The following BNC2 variants were observed in gnomAD, a reference collection of about 807,000 sequenced individuals.
The protein encoded by BNC2 is basonuclin zinc finger protein 2, also known as zinc finger protein basonuclin-2.
Under a neutral mutation model 76.3 loss-of-function variants are expected in BNC2, and 20 were observed. That is an observed-to-expected ratio of 0.26 (90% CI 0.18 to 0.38). The LOEUF (loss-of-function observed/expected upper bound fraction) is 0.38, where lower values mean the gene tolerates loss of function less well. BNC2 is among the 10% of genes least tolerant of loss of function. BNC2 has a pLI of 1.00. For missense variants in BNC2, 1,382 were observed against 1,399.8 expected (o/e 0.99, Z 0.20); for synonymous variants, 582 against 514.8 (o/e 1.13, Z -1.77).
chr9:16,551,480 G>A (rs527976780), intron 5 of BNC2, among the ~76,000 whole-genome samples: 1 of 152,334 alleles, frequency 6.6e-6, no homozygotes, highest in African/African-American at 2.4e-5. Flanking sequence ...GTAGCTCAGG[G>A]AATAAACAGT....
At chr9:16,636,177 G>A (rs1028828939) in intron 3 of BNC2, among the ~76,000 whole-genome samples, 13 of 152,152 alleles carry the variant, frequency 8.5e-5, no homozygotes, top group East Asian at 5.8e-4. Flanking sequence ...AATTACATTC[G>A]CATGTTGGTC....
intron 1 of BNC2, among the ~76,000 whole-genome samples, chr9:16,859,495 G>C (rs1218847891): frequency 1.3e-5 from 2 of 152,204 alleles, no homozygotes; most frequent in Non-Finnish European, 2.9e-5. Context: ...ATATACATAT[G>C]ATGAAATATT....
intron 3 of BNC2, among the ~76,000 whole-genome samples, chr9:16,659,958 T>A (rs993937613): frequency 1.3e-5 from 2 of 152,264 alleles, no homozygotes; most frequent in African/African-American, 4.8e-5. Flanking sequence ...ACCAAATAGA[T>A]GCCTGAAACA....
chr9:16,654,316 C>T (rs79440743), intron 3 of BNC2, among the ~76,000 whole-genome samples: 1 of 152,152 alleles, frequency 6.6e-6, no homozygotes, highest in African/African-American at 2.4e-5. Context: ...CAGGGCATAA[C>T]ATAAGCATTA....
intron 3 of BNC2, among the ~76,000 whole-genome samples, chr9:16,707,072 G>A (rs796187828): frequency 6.6e-6 from 1 of 152,230 alleles, no homozygotes; most frequent in African/African-American, 2.4e-5. Context: ...CGTGATGGTG[G>A]GCGCCTGTAG....
intron 3 of BNC2, among the ~76,000 whole-genome samples, chr9:16,711,035 G>A (rs1290279212): frequency 2.0e-5 from 3 of 151,932 alleles, no homozygotes; most frequent in South Asian, 2.1e-4. Context: ...GCTGTCCCTC[G>A]CTCCCTCTAA....
chr9:16,596,056 T>C (rs1403816809), intron 3 of BNC2, among the ~76,000 whole-genome samples: 1 of 152,130 alleles, frequency 6.6e-6, no homozygotes, highest in East Asian at 1.9e-4. Flanking sequence ...ATTTACTTGA[T>C]AGACTATAAA....
intron 6 of BNC2, chr9:16,421,353 AAG>A (rs989739914): frequency 3.1e-4 from 346 of 1,126,128 alleles, no homozygotes; most frequent in Non-Finnish European, 3.4e-4. Context: ...AAGAAAGAGA[AAG>A]AGAGAGAGAG....
At chr9:16,611,216 G>T (rs981848658) in intron 3 of BNC2, among the ~76,000 whole-genome samples, 2 of 152,190 alleles carry the variant, frequency 1.3e-5, no homozygotes, top group Non-Finnish European at 2.9e-5. Flanking sequence ...CAACACAAAG[G>T]AAAGGCGCTA....
intron 3 of BNC2, among the ~76,000 whole-genome samples, chr9:16,656,622 T>C (rs1359494323): frequency 1.3e-5 from 2 of 152,302 alleles, no homozygotes; most frequent in East Asian, 3.9e-4. Context: ...AATAAACATA[T>C]TCATCATCTC....
intron 3 of BNC2, among the ~76,000 whole-genome samples, chr9:16,709,395 T>C (rs1823769903): frequency 6.6e-6 from 1 of 152,212 alleles, no homozygotes; most frequent in South Asian, 2.1e-4. Context: ...GCACACCCAG[T>C]GGAAGAGAGC....
chr9:16,563,251 C>G (rs1176494361), intron 4 of BNC2, among the ~76,000 whole-genome samples: 1 of 152,058 alleles, frequency 6.6e-6, no homozygotes, highest in Non-Finnish European at 1.5e-5. Flanking sequence ...AAAACTAATA[C>G]AGTATTTTTA....
Position 16,436,004 on chromosome 9 carries a change from C to A in BNC2, c.2190G>T (p.Glu730Asp). The change falls in exon 6 of 7, where the codon GAG becomes GAT. Residue 730 changes from glutamate (E) to aspartate (D), a missense_variant. By Grantham distance (45) the Glu-to-Asp change is conservative. This residue lies in a region of BNC2 where 798 missense variants were observed against 775.5 expected (regional missense o/e 1.03). Transcript: ENST00000380672. The part of the protein sequence containing the change: ...RDYENESESS[E>D]PKLGEESMEG... ...CCATGGATTCCTCGCCCAGTTTGGG[C>A]TCCGAAGACTCAGACTCGTTCTCAT... The A allele has an allele frequency of 6.2e-7, 1 of 1,614,178 alleles. No individual in the cohort carries two copies. Among genetic ancestry groups the A allele is most frequent in the Non-Finnish European group, 8.5e-7 (1 of 1,180,040 alleles).
chr9:16,795,184 C>CT (rs995177246), intron 1 of BNC2, among the ~76,000 whole-genome samples: 86 of 151,452 alleles, frequency 5.7e-4, no homozygotes, highest in East Asian at 1.9e-4. Flanking sequence ...TCTTTTCTCA[C>CT]TTTTTTTTTC....
At chr9:16,730,664 C>T (rs894184025) in intron 2 of BNC2, among the ~76,000 whole-genome samples, 25 of 152,166 alleles carry the variant, frequency 1.6e-4, no homozygotes, top group African/African-American at 5.6e-4. Flanking sequence ...TATAGGCAAA[C>T]TGAGCTCCTT....
intron 3 of BNC2, among the ~76,000 whole-genome samples, chr9:16,647,109 G>A (rs1017644211): frequency 6.6e-6 from 1 of 152,146 alleles, no homozygotes; most frequent in Non-Finnish European, 1.5e-5. Flanking sequence ...TATTTCCCAT[G>A]TACACTCATA....
chr9:16,726,152 G>A (rs978712676), intron 3 of BNC2, among the ~76,000 whole-genome samples: 7 of 152,120 alleles, frequency 4.6e-5, no homozygotes, highest in Non-Finnish European at 1.0e-4. Context: ...GATGCGTCGC[G>A]GAAAACACCT....
In BNC2 at chr9:16,491,920, A is replaced by T. The variant is rs113421249; in HGVS notation, c.670-54396T>A. 4.9e-4 allele frequency among the ~76,000 whole-genome samples: 74 copies of T among 152,252 alleles called. 2 individuals carry two copies. Among genetic ancestry groups the T allele is most frequent in the African/African-American group, 1.5e-3 (61 of 41,548 alleles). Reference sequence around the variant, plus strand: ...TAAATAAACAAAACTAATAAACTACACTCTGGTATGCTCACATACTTCCGC... The same window carrying T: ...TAAATAAACAAAACTAATAAACTACTCTCTGGTATGCTCACATACTTCCGC... On this transcript the variant is annotated intron_variant, in intron 5 of 6. Coordinates refer to ENST00000380672, the MANE Select transcript of BNC2 (RefSeq NM_017637.6).
At chr9:16,701,000 C>A (rs1823494957) in intron 3 of BNC2, among the ~76,000 whole-genome samples, 1 of 152,216 alleles carries the variant, frequency 6.6e-6, no homozygotes, top group Non-Finnish European at 1.5e-5. Flanking sequence ...ATAATAACAT[C>A]GCCAAGCACA....
Sources: allele counts gnomAD v4.1 joint callset (sites outside exome capture counted in the v4.1 genomes callset), GRCh38; gene constraint gnomAD v4.1.1; regional missense constraint gnomAD v4.1.1; transcripts MANE v1.5; gene names NCBI Gene and HGNC (gene_info 2026-07-23, HGNC 2026-07-21).